Variants in KCTD16 observed in about 807,000 individuals in gnomAD.
KCTD16 encodes the protein potassium channel tetramerization domain containing 16.
KCTD16 carries 13 observed loss-of-function variants against 33.2 expected under a neutral mutation model. That is an observed-to-expected ratio of 0.39 (90% CI 0.25 to 0.62). The LOEUF (loss-of-function observed/expected upper bound fraction) is 0.62, where lower values mean the gene tolerates loss of function less well. KCTD16 is among the 20% of genes least tolerant of loss of function. The probability of loss-of-function intolerance (pLI) is 0.50; values close to 1 mark genes in which losing one functional copy is unlikely to be tolerated. For synonymous variants in KCTD16, 197 were observed against 195.3 expected (o/e 1.01, Z -0.07); for missense variants, 441 against 525.1 (o/e 0.84, Z 1.57).
chr5:144,325,485 C>T (rs1752180938), intron 3 of KCTD16, among the ~76,000 whole-genome samples: 1 of 152,174 alleles, frequency 6.6e-6, no homozygotes, highest in Non-Finnish European at 1.5e-5. Flanking sequence ...TCCTTCCTCA[C>T]TTGCCCTCTC....
chr5:144,367,604 TTTCTTGC>T (rs1489598526), intron 3 of KCTD16, among the ~76,000 whole-genome samples: 1 of 152,128 alleles, frequency 6.6e-6, no homozygotes. Context: ...AGCTCCACTA[TTTCTTGC>T]CAAATATCCC....
At chr5:144,397,542 C>T (rs1349419706) in intron 3 of KCTD16, among the ~76,000 whole-genome samples, 1 of 152,148 alleles carries the variant, frequency 6.6e-6, no homozygotes, top group Non-Finnish European at 1.5e-5. Flanking sequence ...ACAATCCCAC[C>T]AACAGTGTAA....
chr5:144,307,975 G>A (rs1359115638), intron 3 of KCTD16, among the ~76,000 whole-genome samples: 1 of 152,220 alleles, frequency 6.6e-6, no homozygotes, highest in African/African-American at 2.4e-5. Context: ...GGAAAGAACA[G>A]CCGAATGTTA....
At chr5:144,272,499 C>A (rs1040599562) in intron 3 of KCTD16, among the ~76,000 whole-genome samples, 19 of 151,960 alleles carry the variant, frequency 1.3e-4, no homozygotes, top group African/African-American at 4.6e-4. Flanking sequence ...TCTCAAGAGA[C>A]CCCCAAAAGC....
At chr5:144,282,651 A>G (rs1755637468) in intron 3 of KCTD16, among the ~76,000 whole-genome samples, 1 of 152,174 alleles carries the variant, frequency 6.6e-6, no homozygotes, top group African/African-American at 2.4e-5. Context: ...TGTTGTGTTG[A>G]GTGGAGAGTA....
At chr5:144,343,967 G>A (rs1328468032) in intron 3 of KCTD16, among the ~76,000 whole-genome samples, 2 of 152,092 alleles carry the variant, frequency 1.3e-5, no homozygotes, top group African/African-American at 4.8e-5. Flanking sequence ...TATACTACAA[G>A]GCTACAGTAA....
At position 144,467,266 on chromosome 5, in the gene KCTD16, C is replaced by CAGCA. The variant is rs1285426153; in HGVS notation, c.833-6393_833-6392insGCAA. ...ATATTTTCCATTCTAATGTCTTTTG[C>CAGCA]ATGTCAGAATTTTCAATCCATTTTT... On this transcript the variant is annotated intron_variant, in intron 3 of 3. Transcript: ENST00000512467. 2.6e-5 allele frequency among the ~76,000 whole-genome samples: 4 copies of CAGCA among 151,486 alleles called. No homozygotes were observed. The South Asian group carries it at 8.3e-4, about 31-fold the overall frequency.
chr5:144,479,365 C>CAAAAAAAAAAAAAAAAAAGAAAAAAAAA lies in KCTD16; in HGVS notation c.*5267_*5268insAAGAAAAAAAAAAAAAAAAAAAAAAAAA, dbSNP rs368957124. On this transcript the variant is annotated 3_prime_UTR_variant, in exon 4 of 4. Transcript: ENST00000512467. ...CCAAACTGATGTGTAAGAATAAATGCAAAAAAAAAAAAAAAAGAAAAAGAA... is the reference window on the plus strand; with the variant it reads ...CCAAACTGATGTGTAAGAATAAATGCAAAAAAAAAAAAAAAAAAGAAAAAAAAAAAAAAAAAAAAAAAAAGAAAAAGAA... 1.1e-5 allele frequency: 1 copy of CAAAAAAAAAAAAAAAAAAGAAAAAAAAA among 92,488 alleles called. No homozygotes were observed. The highest frequency in any genetic ancestry group is 2.0e-5 in the Non-Finnish European group (1 of 48,978). The allele number at this position is 92,488 out of a possible 1,614,324, so 5.7% of individuals were successfully genotyped here.
At chr5:144,251,718 G>A (rs1754705427) in intron 3 of KCTD16, among the ~76,000 whole-genome samples, 1 of 152,068 alleles carries the variant, frequency 6.6e-6, no homozygotes, top group South Asian at 2.1e-4. Context: ...CAAAGTGGAA[G>A]GTTCAGATGC....
chr5:144,244,528 CTG>C (rs1754496124), intron 3 of KCTD16, among the ~76,000 whole-genome samples: 2 of 152,172 alleles, frequency 1.3e-5, no homozygotes, highest in African/African-American at 4.8e-5. Flanking sequence ...ATTGGACTAA[CTG>C]TTTTTCTTTT....
chr5:144,467,057 ATATGTAT>A (rs1441232821), intron 3 of KCTD16, among the ~76,000 whole-genome samples: 1 of 58,884 alleles, frequency 1.7e-5, no homozygotes, highest in African/African-American at 5.0e-5. Context: ...ATATAACACT[ATATGTAT>A]TATATATAAT....
chr5:144,432,040 A>G (rs1308333838), intron 3 of KCTD16, among the ~76,000 whole-genome samples: 1 of 152,198 alleles, frequency 6.6e-6, no homozygotes, highest in Non-Finnish European at 1.5e-5. Context: ...TTCAATAAAA[A>G]TGAAATAGAT....
At chr5:144,420,537 C>G (rs1753186708) in intron 3 of KCTD16, among the ~76,000 whole-genome samples, 1 of 151,280 alleles carries the variant, frequency 6.6e-6, no homozygotes, top group African/African-American at 2.5e-5. Flanking sequence ...TGTGTGTGCA[C>G]ACTCATGGAT....
At chr5:144,299,630 G>A (rs925128548) in intron 3 of KCTD16, among the ~76,000 whole-genome samples, 4 of 152,026 alleles carry the variant, frequency 2.6e-5, no homozygotes, top group Non-Finnish European at 4.4e-5. Context: ...TAACCTTATT[G>A]AAAGCCTTGG....
chr5:144,470,782 T>G (rs1754450869), intron 3 of KCTD16, among the ~76,000 whole-genome samples: 1 of 152,212 alleles, frequency 6.6e-6, no homozygotes, highest in Admixed American at 6.5e-5. Flanking sequence ...AGGAAATAAC[T>G]GCACCATTGC....
chr5:144,472,958 G>A (rs1286615986), intron 3 of KCTD16, among the ~76,000 whole-genome samples: 1 of 152,160 alleles, frequency 6.6e-6, no homozygotes, highest in Non-Finnish European at 1.5e-5. Flanking sequence ...TCTCAGCTCT[G>A]CCACTTTCAA....
intron 3 of KCTD16, among the ~76,000 whole-genome samples, chr5:144,359,309 G>A (rs966072533): frequency 6.6e-6 from 1 of 152,146 alleles, no homozygotes. Context: ...ACACTTGTCA[G>A]ATAGTGGCAT....
chr5:144,422,591 T>C (rs1180512425), intron 3 of KCTD16, among the ~76,000 whole-genome samples: 5 of 152,162 alleles, frequency 3.3e-5, no homozygotes, highest in African/African-American at 1.2e-4. Flanking sequence ...TGGGATAGTA[T>C]TGAACAACAG....
intron 3 of KCTD16, among the ~76,000 whole-genome samples, chr5:144,269,135 C>A (rs937333220): frequency 6.6e-6 from 1 of 151,650 alleles, no homozygotes; most frequent in South Asian, 2.1e-4. Context: ...CATTGTGGGG[C>A]TCATAGAAGG....
Sources: gnomAD v4.1 joint callset for allele counts (sites outside exome capture counted in the v4.1 genomes callset) on GRCh38, gnomAD v4.1.1 for gene constraint, MANE v1.5 for transcripts, NCBI Gene and HGNC (gene_info 2026-07-23, HGNC 2026-07-21) for gene names.